CCDC169: variants seen among roughly 807,000 people sequenced by gnomAD.
CCDC169 encodes the protein coiled-coil domain containing 169, also known as coiled-coil domain-containing protein 169.
In CCDC169, 30 loss-of-function variants were observed where a neutral mutation model predicts 36.0. That is an observed-to-expected ratio of 0.83 (90% CI 0.62 to 1.13). The LOEUF is 1.13. Among genes scored for constraint, CCDC169 ranks in the 50% most tolerant of loss-of-function variants. The pLI is 0.00. For missense variants in CCDC169, 245 were observed against 245.9 expected (o/e 1.00, Z 0.03); for synonymous variants, 85 against 81.5 (o/e 1.04, Z -0.23).
intron 4 of CCDC169, among the ~76,000 whole-genome samples, chr13:36,270,615 C>T (rs1190285672): frequency 6.6e-6 from 1 of 152,088 alleles, no homozygotes; most frequent in Non-Finnish European, 1.5e-5. Context: ...AGAAATAAAA[C>T]CAAATACTTA....
chr13:36,256,263 T>C (rs1247042753), intron 4 of CCDC169, among the ~76,000 whole-genome samples: 1 of 152,198 alleles, frequency 6.6e-6, no homozygotes, highest in Non-Finnish European at 1.5e-5. Flanking sequence ...TTTTAGTTCG[T>C]TCTCATGCTG....
At chr13:36,253,908 A>T (rs1311168019) in intron 5 of CCDC169, 52 bp from the exon 6 acceptor site, 2 of 1,543,064 alleles carry the variant, frequency 1.3e-6, no homozygotes, top group Non-Finnish European at 1.7e-6. Flanking sequence ...GATTAGCAAT[A>T]CTAGCAAGAC....
intron 4 of CCDC169, among the ~76,000 whole-genome samples, chr13:36,255,468 A>G (rs530643732): frequency 6.6e-6 from 1 of 152,236 alleles, no homozygotes; most frequent in East Asian, 1.9e-4. Context: ...GTTCGACACC[A>G]GCCTGGCCAA....
At chr13:36,269,149 T>C (rs1875718825) in intron 4 of CCDC169, among the ~76,000 whole-genome samples, 1 of 151,812 alleles carries the variant, frequency 6.6e-6, no homozygotes, top group South Asian at 2.1e-4. Flanking sequence ...AATACCTTTA[T>C]GTGCAGAAAC....
chr13:36,295,878 G>A (rs1245507694), intron 1 of CCDC169, 21 bp from the exon 2 acceptor site: 7 of 1,383,226 alleles, frequency 5.1e-6, no homozygotes, highest in Non-Finnish European at 7.0e-6. Context: ...AAATATTTTT[G>A]TTGATTATAA....
chr13:36,242,407 G>A (rs1324706743), intron 7 of CCDC169, among the ~76,000 whole-genome samples: 1 of 152,046 alleles, frequency 6.6e-6, no homozygotes, highest in Admixed American at 6.6e-5. Context: ...GCCTAATACC[G>A]TGACTTCCTT....
At chr13:36,285,200 T>C (rs1566088669) in intron 2 of CCDC169, among the ~76,000 whole-genome samples, 1 of 152,218 alleles carries the variant, frequency 6.6e-6, no homozygotes, top group South Asian at 2.1e-4. Flanking sequence ...TTTGACACCA[T>C]TTTATTTAAA....
At position 36,283,551 on chromosome 13, in the gene CCDC169, T is replaced by A. The variant is rs1300320138; in HGVS notation, c.274+41A>T. ...ATGAGCACTTAATGTTTTATCAGTT[T>A]TAACTCAAATTATAAAATGTACATA... On this transcript the variant is annotated intron_variant, in intron 3 of 7. Transcript: ENST00000239859. The A allele has an allele frequency of 2.6e-6, 4 of 1,550,942 alleles. No homozygotes were observed. The East Asian group carries it at 9.8e-5, about 38-fold the overall frequency.
intron 4 of CCDC169, among the ~76,000 whole-genome samples, chr13:36,261,225 T>G (rs1398617278): frequency 6.6e-6 from 1 of 152,148 alleles, no homozygotes; most frequent in Non-Finnish European, 1.5e-5. Flanking sequence ...GTAACCACAG[T>G]GGCTGAGATG....
intron 4 of CCDC169, among the ~76,000 whole-genome samples, chr13:36,259,762 GTTGAAGT>G (rs1566073554): frequency 5.9e-5 from 9 of 152,254 alleles, no homozygotes; most frequent in Non-Finnish European, 7.3e-5. Context: ...GTGACCAAAG[GTTGAAGT>G]TTTCCTTTAG....
At chr13:36,245,572 T>C (rs887374208) in intron 7 of CCDC169, among the ~76,000 whole-genome samples, 4 of 152,170 alleles carry the variant, frequency 2.6e-5, no homozygotes, top group African/African-American at 9.7e-5. Flanking sequence ...TGTTGTATGA[T>C]AGGCATGAGC....
intron 7 of CCDC169, among the ~76,000 whole-genome samples, chr13:36,243,714 G>A (rs9602550): frequency 2.0e-5 from 3 of 152,124 alleles, no homozygotes; most frequent in East Asian, 3.9e-4. Context: ...GCTGAGACAG[G>A]AGAATCACTT....
chr13:36,266,249 G>T (rs1379545927), intron 4 of CCDC169, among the ~76,000 whole-genome samples: 1 of 152,054 alleles, frequency 6.6e-6, no homozygotes, highest in Non-Finnish European at 1.5e-5. Flanking sequence ...AATTGGCTTG[G>T]CAAGCAGGGG....
rs145902812 is a variant in CCDC169, at chr13:36,255,237, C to T, written c.316-1094G>A. On this transcript the variant is annotated intron_variant, in intron 4 of 7. Transcript: ENST00000239859. The stretch of plus-strand genomic sequence containing the variant: ...CCTTGTGAAGTCTCTGGTCGGGGTC[C>T]AGGCAGTAGGTGTCCTCCTCCATGG... 1.9e-4 allele frequency among the ~76,000 whole-genome samples: 29 copies of T among 152,254 alleles called. No homozygotes were observed. In the East Asian group the frequency reaches 5.2e-3, roughly 27 times the overall value.
chr13:36,286,052 G>A (rs1220489843), intron 2 of CCDC169, among the ~76,000 whole-genome samples: 4 of 152,144 alleles, frequency 2.6e-5, no homozygotes, highest in African/African-American at 4.8e-5. Context: ...TTAGTGTCCC[G>A]TATGGTGAGT....
intron 4 of CCDC169, among the ~76,000 whole-genome samples, chr13:36,271,568 T>G (rs1876065777): frequency 2.0e-5 from 3 of 152,318 alleles, no homozygotes; most frequent in Middle Eastern, 3.4e-3. Context: ...CATGGAATAC[T>G]ACTCAGGCAT....
At chr13:36,237,480 G>T (rs555234130) in intron 7 of CCDC169, among the ~76,000 whole-genome samples, 19 of 152,250 alleles carry the variant, frequency 1.2e-4, no homozygotes, top group Admixed American at 1.2e-3. Context: ...CACAAAACTT[G>T]TACAGGGATG....
chr13:36,282,745 T>A (rs1446080218), intron 4 of CCDC169: 1 of 163,494 alleles, frequency 6.1e-6, no homozygotes, highest in Non-Finnish European at 1.3e-5. Flanking sequence ...AATAAATGTA[T>A]TTTTTCCAAC....
intron 7 of CCDC169, among the ~76,000 whole-genome samples, chr13:36,245,623 G>C (rs1456544355): frequency 2.0e-5 from 3 of 152,110 alleles, no homozygotes; most frequent in Non-Finnish European, 4.4e-5. Flanking sequence ...TCTTAAATTG[G>C]TTTTATTTAC....
Sources: gnomAD v4.1 joint callset for allele counts (sites outside exome capture counted in the v4.1 genomes callset) on GRCh38, gnomAD v4.1.1 for gene constraint, MANE v1.5 for transcripts, NCBI Gene and HGNC (gene_info 2026-07-23, HGNC 2026-07-21) for gene names.